The following BRWD1 variants were observed in gnomAD, a reference collection of about 807,000 sequenced individuals.
BRWD1 encodes the protein bromodomain and WD repeat domain containing 1.
Under a neutral mutation model 251.2 loss-of-function variants are expected in BRWD1, and 82 were observed. The ratio of observed to expected loss-of-function variants is 0.33; its 90% CI spans 0.27 to 0.39. BRWD1 has a LOEUF of 0.39. Among genes scored for constraint, BRWD1 ranks in the 10% least tolerant of loss-of-function variants. The pLI, the probability that BRWD1 is intolerant of heterozygous loss-of-function variation, is 1.00. For synonymous variants in BRWD1, 918 were observed against 902.8 expected (o/e 1.02, Z -0.30); for missense variants, 2,233 against 2,711.6 (o/e 0.82, Z 3.92).
chr21:39,312,432 G>T (rs190353599), intron 4 of BRWD1: 16 of 166,336 alleles, frequency 9.6e-5, no homozygotes, highest in East Asian at 3.5e-4. Flanking sequence ...GGGAACAAGT[G>T]GGGGGACAGA....
chr21:39,209,742 C>T (rs776795748), intron 36 of BRWD1: 1 of 303,570 alleles, frequency 3.3e-6, no homozygotes, highest in Non-Finnish European at 6.1e-6. Flanking sequence ...ATGCCTACTC[C>T]CATTAATCCC....
chr21:39,294,654 C>CAA (rs35545105), intron 7 of BRWD1, among the ~76,000 whole-genome samples: 105 of 98,698 alleles, frequency 1.1e-3, no homozygotes, highest in East Asian at 2.6e-3. Context: ...GACTCCGTCT[C>CAA]AAAAAAAAAA....
chr21:39,247,996 A>T (rs1296647795), intron 20 of BRWD1, among the ~76,000 whole-genome samples, 164 bp from the exon 21 acceptor site: 1 of 152,204 alleles, frequency 6.6e-6, no homozygotes, highest in African/African-American at 2.4e-5. Flanking sequence ...CAAGCTTAGT[A>T]GTTTTACTTT....
Position 39,192,767 on chromosome 21 carries a change from TC to T in BRWD1, c.*3491del. ...GGAGTGGAAAGGAAAACAAAAAAGA[TC>T]GTAAGCACCTTTAACAATGTTCTTG... On this transcript the variant is annotated 3_prime_UTR_variant, in exon 41 of 41. Transcript: ENST00000342449. The T allele has an allele frequency of 1.0e-6, 1 of 985,142 alleles. No individual in the cohort carries two copies. The highest frequency in any genetic ancestry group is 1.2e-6 in the Non-Finnish European group (1 of 829,748). The allele number at this position is 985,142 out of a possible 1,614,324, so 61.0% of individuals were successfully genotyped here. A position where few individuals can be genotyped will look rare whatever the true frequency, so the allele number is the denominator to read the frequency against.
intron 40 of BRWD1, among the ~76,000 whole-genome samples, chr21:39,197,655 AC>A (rs1375653218): frequency 2.0e-5 from 3 of 152,096 alleles, no homozygotes; most frequent in Admixed American, 2.0e-4. Flanking sequence ...CACAAACCTT[AC>A]AGTACACCCT....
At chr21:39,218,717 T>C (rs2033053632) in intron 29 of BRWD1, 57 bp from the exon 30 acceptor site, 3 of 1,372,812 alleles carry the variant, frequency 2.2e-6, no homozygotes, top group Admixed American at 2.8e-5. Context: ...AATAAATATA[T>C]ACGGTATTAA....
intron 4 of BRWD1, among the ~76,000 whole-genome samples, chr21:39,305,544 T>C (rs1286134567): frequency 6.6e-6 from 1 of 151,960 alleles, no homozygotes; most frequent in Non-Finnish European, 1.5e-5. Flanking sequence ...GCCTGACCAT[T>C]ATGGTGAAAT....
intron 22 of BRWD1, among the ~76,000 whole-genome samples, chr21:39,237,785 A>C (rs2033861051): frequency 6.6e-6 from 1 of 152,302 alleles, no homozygotes; most frequent in Non-Finnish European, 1.5e-5. Flanking sequence ...TGCATGCTTT[A>C]AATGGTTATA....
At position 39,313,585 on chromosome 21, in the gene BRWD1, G is replaced by GCT; in HGVS notation, c.-95_-94insAG. 9.6e-7 allele frequency: 1 copy of GCT among 1,045,902 alleles called. No individual in the cohort carries two copies. Among genetic ancestry groups the GCT allele is most frequent in the Non-Finnish European group, 1.2e-6 (1 of 847,620 alleles). 64.8% of individuals were successfully genotyped at this position (1,045,902 alleles called of 1,614,324 possible). On this transcript the variant is annotated 5_prime_UTR_variant, in exon 1 of 41. It removes the in-frame stop codon of an upstream open reading frame in the 5' UTR. Coordinates refer to ENST00000342449, the MANE Select transcript of BRWD1 (RefSeq NM_033656.4). Reference sequence around the variant, plus strand: ...CCGGGCTGGCGTCCCCTCTTCTCAGGCGCGCGCCGCCGCCGCCGCCGCCGC... The same window carrying GCT: ...CCGGGCTGGCGTCCCCTCTTCTCAGGCTCGCGCGCCGCCGCCGCCGCCGCCGC...
chr21:39,229,963 T>C (rs2033544696), intron 25 of BRWD1, among the ~76,000 whole-genome samples: 5 of 152,212 alleles, frequency 3.3e-5, no homozygotes, highest in Admixed American at 3.3e-4. Context: ...AGTCTCGAAC[T>C]CCTGGGCTCA....
Position 39,218,141 on chromosome 21 carries a change from T to C in BRWD1, c.3659+11A>G, listed in dbSNP as rs766303517. 1 of 1,589,048 alleles carries C rather than the reference T, an allele frequency of 6.3e-7. No homozygotes were observed. Among genetic ancestry groups the C allele is most frequent in the African/African-American group, 1.4e-5 (1 of 73,520 alleles). The stretch of plus-strand genomic sequence containing the variant: ...GCTTTTTAAACATTTTGAAAGCAGG[T>C]TTCTACTAACCTGTAAAATCGATTA... On this transcript the variant is annotated intron_variant, in intron 31 of 40. Coordinates refer to ENST00000342449, the MANE Select transcript of BRWD1 (RefSeq NM_033656.4).
At chr21:39,297,752 A>T in intron 5 of BRWD1, 4 of 558,856 alleles carry the variant, frequency 7.2e-6, no homozygotes, top group Non-Finnish European at 9.1e-6. Context: ...TCGTAATAAA[A>T]AATAATCATG....
At chr21:39,290,067 T>C (rs1170628609) in intron 8 of BRWD1, among the ~76,000 whole-genome samples, 1 of 151,868 alleles carries the variant, frequency 6.6e-6, no homozygotes, top group African/African-American at 2.4e-5. Flanking sequence ...TTCTTATTAG[T>C]CCTCTAATTT....
chr21:39,314,975 A>G (rs2036669600), upstream of BRWD1: 1 of 152,270 alleles, frequency 6.6e-6, no homozygotes, highest in African/African-American at 2.4e-5. Context: ...ACCGTGTACA[A>G]GTTGGCTTTT....
intron 20 of BRWD1, 21 bp from the exon 21 acceptor site, chr21:39,247,853 C>A (rs566011265): frequency 8.3e-6 from 13 of 1,570,126 alleles, no homozygotes; most frequent in South Asian, 7.2e-5. Flanking sequence ...GAAAAACATG[C>A]GAATGAAAAT....
chr21:39,308,540 T>C (rs960778541), intron 4 of BRWD1, among the ~76,000 whole-genome samples: 1 of 149,204 alleles, frequency 6.7e-6, no homozygotes, highest in African/African-American at 2.5e-5. Flanking sequence ...CAAATACAGG[T>C]TGGAATAACA....
chr21:39,278,356 C>T (rs1170883865), intron 10 of BRWD1: 1 of 166,234 alleles, frequency 6.0e-6, no homozygotes, highest in African/African-American at 2.4e-5. Context: ...TGTACAAAAA[C>T]TGAAAAAGAA....
intron 15 of BRWD1, among the ~76,000 whole-genome samples, chr21:39,267,422 C>A (rs1388958420): frequency 6.6e-6 from 1 of 152,050 alleles, no homozygotes; most frequent in Non-Finnish European, 1.5e-5. Flanking sequence ...GGTGAAACCC[C>A]ATCTCTACTA....
intron 35 of BRWD1, 38 bp downstream of exon 35, chr21:39,210,748 C>A: frequency 6.4e-7 from 1 of 1,559,442 alleles, no homozygotes; most frequent in Non-Finnish European, 8.6e-7. Flanking sequence ...CACTGCAAAA[C>A]AAGAAAAGCC....
Sources: gnomAD v4.1 joint callset for allele counts (sites outside exome capture counted in the v4.1 genomes callset) on GRCh38, gnomAD v4.1.1 for gene constraint, MANE v1.5 for transcripts, NCBI Gene and HGNC (gene_info 2026-07-23, HGNC 2026-07-21) for gene names.